ZNF385D: variants seen among roughly 807,000 people sequenced by gnomAD.
ZNF385D encodes the protein zinc finger protein 659.
A neutral mutation model predicts 35.8 loss-of-function variants in ZNF385D; 15 were observed. The observed-to-expected ratio is 0.42, with a 90% CI of 0.28 to 0.64. The LOEUF (loss-of-function observed/expected upper bound fraction) is 0.64. ZNF385D is among the 30% of genes least tolerant of loss of function. The probability of loss-of-function intolerance (pLI) is 0.23; values close to 1 mark genes in which losing one functional copy is unlikely to be tolerated. For synonymous variants in ZNF385D, 212 were observed against 186.8 expected (o/e 1.13, Z -1.10); for missense variants, 474 against 494.6 (o/e 0.96, Z 0.39).
intron 2 of ZNF385D, among the ~76,000 whole-genome samples, chr3:22,287,513 TTTGTGTACCTAC>T (rs780803659): frequency 6.6e-6 from 1 of 152,032 alleles, no homozygotes; most frequent in Non-Finnish European, 1.5e-5. Flanking sequence ...ATTTTTATCT[TTTGTGTACCTAC>T]TATGGGTTTT....
intron 2 of ZNF385D, among the ~76,000 whole-genome samples, chr3:21,653,189 G>A (rs1432362726): frequency 6.6e-6 from 1 of 152,000 alleles, no homozygotes; most frequent in African/African-American, 2.4e-5. Context: ...TCCCCCAGCA[G>A]CACTGAGCTT....
At chr3:21,695,945 T>C (rs915507118) in intron 1 of ZNF385D, among the ~76,000 whole-genome samples, 6 of 152,158 alleles carry the variant, frequency 3.9e-5, no homozygotes, top group Admixed American at 6.5e-5. Flanking sequence ...TTCTAAATGG[T>C]AGACCCTGTG....
At chr3:21,569,479 T>G (rs2063258748) in intron 2 of ZNF385D, among the ~76,000 whole-genome samples, 1 of 151,188 alleles carries the variant, frequency 6.6e-6, no homozygotes, top group Non-Finnish European at 1.5e-5. Flanking sequence ...ATGGGTTTCC[T>G]GAATACAGCA....
chr3:21,704,260 G>A (rs2067813835), intron 1 of ZNF385D, among the ~76,000 whole-genome samples: 1 of 152,000 alleles, frequency 6.6e-6, no homozygotes, highest in Non-Finnish European at 1.5e-5. Context: ...GTTCCTCTTT[G>A]TTCTTCAGGA....
At chr3:21,936,341 A>T (rs1349586125) in intron 3 of ZNF385D, among the ~76,000 whole-genome samples, 1 of 152,018 alleles carries the variant, frequency 6.6e-6, no homozygotes, top group African/African-American at 2.4e-5. Flanking sequence ...GAGGCTAAAA[A>T]TTCTCAAGAT....
intron 3 of ZNF385D, among the ~76,000 whole-genome samples, chr3:21,994,605 C>A (rs1204102999): frequency 6.6e-6 from 1 of 152,028 alleles, no homozygotes; most frequent in Non-Finnish European, 1.5e-5. Flanking sequence ...TGTTAGCTTG[C>A]TTTTTCATGC....
At chr3:21,925,513 A>G (rs1194336041) in intron 3 of ZNF385D, among the ~76,000 whole-genome samples, 3 of 152,194 alleles carry the variant, frequency 2.0e-5, no homozygotes, top group Non-Finnish European at 2.9e-5. Flanking sequence ...AAATTACACA[A>G]CTTTTATAAA....
At chr3:21,687,560 C>G (rs868658331) in intron 1 of ZNF385D, among the ~76,000 whole-genome samples, 5 of 151,986 alleles carry the variant, frequency 3.3e-5, no homozygotes, top group Non-Finnish European at 7.4e-5. Flanking sequence ...ACTGATGAAC[C>G]TACATCAACA....
chr3:22,208,925 T>C (rs1434225214), intron 2 of ZNF385D, among the ~76,000 whole-genome samples: 1 of 151,824 alleles, frequency 6.6e-6, no homozygotes, highest in Non-Finnish European at 1.5e-5. Context: ...CAGGGAATCT[T>C]TGTTGTCAGT....
chr3:21,532,943 G>T (rs187668105), intron 3 of ZNF385D, among the ~76,000 whole-genome samples: 11 of 152,294 alleles, frequency 7.2e-5, no homozygotes, highest in Admixed American at 5.2e-4. Context: ...ATTTTAGACA[G>T]TTCATGCAAC....
intron 6 of ZNF385D, among the ~76,000 whole-genome samples, chr3:21,424,320 T>TATATATATAC (rs1418109308): frequency 8.5e-6 from 1 of 117,716 alleles, no homozygotes; most frequent in African/African-American, 3.3e-5. Flanking sequence ...TATATATATT[T>TATATATATAC]TTTTTTTTTT....
chr3:22,117,996 TCAA>T (rs1048677985), intron 3 of ZNF385D, among the ~76,000 whole-genome samples: 1 of 151,992 alleles, frequency 6.6e-6, no homozygotes, highest in African/African-American at 2.4e-5. Flanking sequence ...TTAAAAAGGG[TCAA>T]CAAAATGAAC....
At chr3:22,137,483 G>C (rs147417975) in intron 3 of ZNF385D, among the ~76,000 whole-genome samples, 11,452 of 152,162 alleles carry the variant, frequency 0.075, 1,430 homozygotes, top group African/African-American at 0.26. Flanking sequence ...ATGATCAAAT[G>C]GGCTTCATCC....
chr3:22,124,681 A>C (rs1046656837), intron 3 of ZNF385D, among the ~76,000 whole-genome samples: 3 of 152,164 alleles, frequency 2.0e-5, no homozygotes, highest in South Asian at 2.1e-4. Flanking sequence ...GATGCTGATC[A>C]TATTTTCATA....
chr3:21,965,365 G>A (rs749137151), intron 3 of ZNF385D, among the ~76,000 whole-genome samples: 45 of 152,140 alleles, frequency 3.0e-4, no homozygotes, highest in Non-Finnish European at 5.0e-4. Context: ...CAGTACTAAT[G>A]ATGGGGAAAC....
chr3:21,947,214 A>AAAG (rs1227891241), intron 3 of ZNF385D, among the ~76,000 whole-genome samples: 2 of 152,238 alleles, frequency 1.3e-5, no homozygotes, highest in Non-Finnish European at 1.5e-5. Context: ...TCAAACTTAT[A>AAAG]AATACAATAG....
At chr3:22,236,595 G>A (rs1174816779) in intron 2 of ZNF385D, among the ~76,000 whole-genome samples, 7 of 152,028 alleles carry the variant, frequency 4.6e-5, no homozygotes, top group Admixed American at 3.9e-4. Flanking sequence ...CTTTTAAAGT[G>A]CCCAATTCAG....
chr3:22,241,146 A>G (rs1699471275), intron 2 of ZNF385D, among the ~76,000 whole-genome samples: 2 of 151,194 alleles, frequency 1.3e-5, no homozygotes, highest in Non-Finnish European at 1.5e-5. Flanking sequence ...GTATTCTAAG[A>G]AACCTTAACT....
At chr3:21,515,317 T>C (rs1707488951) in intron 3 of ZNF385D, among the ~76,000 whole-genome samples, 1 of 152,216 alleles carries the variant, frequency 6.6e-6, no homozygotes, top group Non-Finnish European at 1.5e-5. Flanking sequence ...TGTATACTTT[T>C]CACATCTCTT....
Sources: allele counts gnomAD v4.1 joint callset (sites outside exome capture counted in the v4.1 genomes callset), GRCh38; gene constraint gnomAD v4.1.1; transcripts MANE v1.5; gene names NCBI Gene and HGNC (gene_info 2026-07-23, HGNC 2026-07-21).